The following FILIP1L variants were observed in gnomAD, a reference collection of about 807,000 sequenced individuals.
The protein encoded by FILIP1L is filamin A interacting protein 1 like.
A neutral mutation model predicts 96.6 loss-of-function variants in FILIP1L; 55 were observed. The observed-to-expected ratio is 0.57, with a 90% CI of 0.46 to 0.71. The LOEUF (loss-of-function observed/expected upper bound fraction) is 0.71, where lower values mean the gene tolerates loss of function less well. Ranked by LOEUF, FILIP1L falls within the 30% of genes least tolerant of loss-of-function variation. FILIP1L has a pLI of 0.00. For missense variants in FILIP1L, 1,304 were observed against 1,321.2 expected (o/e 0.99, Z 0.20); for synonymous variants, 467 against 473.9 (o/e 0.99, Z 0.19).
chr3:99,989,360 A>G (rs1370969137), intron 1 of FILIP1L, among the ~76,000 whole-genome samples: 1 of 152,172 alleles, frequency 6.6e-6, no homozygotes. Context: ...AGAGTGAGGA[A>G]ACAGGAAAAT....
At chr3:99,938,809 G>C (rs1707770459) in intron 1 of FILIP1L, among the ~76,000 whole-genome samples, 1 of 151,674 alleles carries the variant, frequency 6.6e-6, no homozygotes, top group South Asian at 2.1e-4. Context: ...AAAAAATCCT[G>C]TTGGGTATTT....
intron 4 of FILIP1L, among the ~76,000 whole-genome samples, chr3:99,866,211 T>A (rs1314381136): frequency 6.6e-6 from 1 of 152,162 alleles, no homozygotes; most frequent in Admixed American, 6.5e-5. Flanking sequence ...TGTGGCTTTC[T>A]TACCTTAATT....
chr3:100,054,688 C>T (rs2065434693), intron 1 of FILIP1L, among the ~76,000 whole-genome samples: 1 of 152,122 alleles, frequency 6.6e-6, no homozygotes, highest in Non-Finnish European at 1.5e-5. Flanking sequence ...GGGCAGATCA[C>T]TGATTTCCCT....
At chr3:100,026,029 G>A (rs1343844269) in intron 1 of FILIP1L, among the ~76,000 whole-genome samples, 1 of 152,280 alleles carries the variant, frequency 6.6e-6, no homozygotes, top group South Asian at 2.1e-4. Flanking sequence ...ACTATGACCT[G>A]AGTCTTGGGA....
chr3:100,003,002 A>G (rs1252046850), intron 1 of FILIP1L, among the ~76,000 whole-genome samples: 1 of 152,162 alleles, frequency 6.6e-6, no homozygotes, highest in Non-Finnish European at 1.5e-5. Context: ...CAGAGGAGGG[A>G]TGACGTAATG....
At chr3:99,872,692 G>T (rs78535510) in intron 4 of FILIP1L, among the ~76,000 whole-genome samples, 2,620 of 151,964 alleles carry the variant, frequency 0.017, 34 homozygotes, top group Middle Eastern at 0.034. Flanking sequence ...ACTGGAAAAA[G>T]AATACTGCTA....
At chr3:99,991,854 GTGTA>G (rs1709521165) in intron 1 of FILIP1L, among the ~76,000 whole-genome samples, 3 of 148,852 alleles carry the variant, frequency 2.0e-5, no homozygotes, top group Admixed American at 1.3e-4. Context: ...GTGTGTGTGT[GTGTA>G]TGTGTATATA....
chr3:99,850,181 T>C lies in FILIP1L; in HGVS notation c.1495A>G (p.Met499Val). 1 of 1,611,398 alleles carries C rather than the reference T, an allele frequency of 6.2e-7. No homozygotes were observed. The highest frequency in any genetic ancestry group is 8.5e-7 in the Non-Finnish European group (1 of 1,179,646). ...DLTKLKTLTV[M>V]FVDERKTMSE... is the part of the protein sequence containing the mutation. ...ATTGTTTTCCGTTCATCTACAAACATCACAGTTAATGTTTTCAGTTTAGTT... is the reference window on the plus strand; with the variant it reads ...ATTGTTTTCCGTTCATCTACAAACACCACAGTTAATGTTTTCAGTTTAGTT... Residue 499 changes from methionine to valine, a missense_variant, in exon 5 of 6, where the codon ATG (methionine) becomes GTG (valine). Met to Val is a conservative substitution (Grantham distance 21, BLOSUM62 1). Coordinates refer to ENST00000477258, the MANE Select transcript of FILIP1L (RefSeq NM_001387850.1).
rs1274773467 is a variant in FILIP1L, at chr3:99,829,848, C to T, written c.*566G>A. ...TATTCTGCACAAAGGATATATTCGG[C>T]TGTTATTCACTTTTGTTATGCTTTT... On this transcript the variant is annotated 3_prime_UTR_variant, in exon 6 of 6. Coordinates refer to ENST00000477258, the MANE Select transcript of FILIP1L (RefSeq NM_001387850.1). Among the ~76,000 whole-genome samples the T allele has an allele frequency of 3.3e-5, 5 of 152,184 alleles. No individual in the cohort carries two copies. The highest frequency in any genetic ancestry group is 1.3e-4 in the Admixed American group (2 of 15,280).
intron 1 of FILIP1L, among the ~76,000 whole-genome samples, chr3:100,056,751 G>A (rs1373984877): frequency 1.3e-5 from 2 of 151,348 alleles, no homozygotes; most frequent in African/African-American, 2.4e-5. Context: ...TGTAATCCCA[G>A]CCCTTTGGGA....
intron 1 of FILIP1L, among the ~76,000 whole-genome samples, chr3:99,996,204 A>G (rs774038654): frequency 6.6e-6 from 1 of 152,084 alleles, no homozygotes; most frequent in Non-Finnish European, 1.5e-5. Flanking sequence ...ACCCTAAATC[A>G]TCTCTCTCAA....
At chr3:99,851,630 C>A (rs927147597) in intron 4 of FILIP1L, among the ~76,000 whole-genome samples, 2 of 152,160 alleles carry the variant, frequency 1.3e-5, no homozygotes, top group African/African-American at 2.4e-5. Context: ...TTGCTGCTGT[C>A]TTTATTAATA....
chr3:99,860,419 GAAATCCTC>G lies in FILIP1L; in HGVS notation c.606-9357_606-9350del, dbSNP rs1944186126. On this transcript the variant is annotated intron_variant, in intron 4 of 5. Coordinates refer to ENST00000477258, the MANE Select transcript of FILIP1L (RefSeq NM_001387850.1). ...AATCAGGATTCTAAAAAGCGGTACTGAAATCCTCAAATTGAGCACAAGGACTGGAATTG... is the reference window on the plus strand; with the variant it reads ...AATCAGGATTCTAAAAAGCGGTACTGAAATTGAGCACAAGGACTGGAATTG... Among the ~76,000 whole-genome samples the G allele has an allele frequency of 2.0e-5, 3 of 152,216 alleles. No individual in the cohort carries two copies. The South Asian group carries it at 6.2e-4, about 32-fold the overall frequency.
At chr3:99,982,813 G>GT (rs1294362927) in intron 1 of FILIP1L, among the ~76,000 whole-genome samples, 2 of 152,038 alleles carry the variant, frequency 1.3e-5, no homozygotes, top group Non-Finnish European at 2.9e-5. Context: ...GATGACAATT[G>GT]AACAGCCCAA....
chr3:99,983,472 A>G (rs762448850), intron 1 of FILIP1L, among the ~76,000 whole-genome samples: 442 of 13,166 alleles, frequency 0.034, 14 homozygotes, highest in South Asian at 0.22. Context: ...GTGTATATAT[A>G]TATATATATA....
intron 1 of FILIP1L, among the ~76,000 whole-genome samples, chr3:100,027,070 C>G (rs1459929882): frequency 1.3e-5 from 2 of 152,244 alleles, no homozygotes; most frequent in Middle Eastern, 3.4e-3. Flanking sequence ...CCCTGCATCC[C>G]TTTGCTTAAA....
intron 1 of FILIP1L, among the ~76,000 whole-genome samples, chr3:100,078,625 G>A (rs139327144): frequency 2.0e-5 from 3 of 152,068 alleles, no homozygotes; most frequent in South Asian, 2.1e-4. Context: ...ATGGTGGCTC[G>A]CTGGCCTGTA....
chr3:100,096,213 A>G (rs1167968459), intron 1 of FILIP1L, among the ~76,000 whole-genome samples: 1 of 152,186 alleles, frequency 6.6e-6, no homozygotes, highest in African/African-American at 2.4e-5. Flanking sequence ...GGTTCCTCAG[A>G]AAACTAAAAC....
rs568938735 is a variant in FILIP1L at position 100,002,574 on chromosome 3, G to A, written c.-10-71544C>T. On this transcript the variant is annotated intron_variant, in intron 1 of 5. Transcript: ENST00000477258. ...GAGTGACCTAGATAGCTGATAAAAA[G>A]TAAAGCTGATTTTATGCCTAGCTTT... Among the ~76,000 whole-genome samples the A allele has an allele frequency of 2.1e-4, 32 of 152,310 alleles. No homozygotes were observed. In the East Asian group the frequency reaches 4.1e-3, roughly 19 times the overall value.
Sources: allele counts gnomAD v4.1 joint callset (sites outside exome capture counted in the v4.1 genomes callset), GRCh38; gene constraint gnomAD v4.1.1; transcripts MANE v1.5; gene names NCBI Gene and HGNC (gene_info 2026-07-23, HGNC 2026-07-21).